CABP5: variants seen among roughly 807,000 people sequenced by gnomAD.
CABP5 encodes calcium binding protein 5.
In CABP5, 17 loss-of-function variants were observed where a neutral mutation model predicts 21.9. The ratio of observed to expected loss-of-function variants is 0.78; its 90% CI spans 0.53 to 1.17. The LOEUF (loss-of-function observed/expected upper bound fraction) is 1.17. CABP5 is among the 50% of genes most tolerant of loss of function. CABP5 has a pLI of 0.00. For synonymous variants in CABP5, 85 were observed against 79.4 expected, an observed-to-expected ratio of 1.07 and a Z score of -0.37; for missense variants, 229 against 228.9, an observed-to-expected ratio of 1.00 and a Z score of 0.00.
chr19:48,039,092 G>C (rs1316934162), intron 4 of CABP5, 116 bp downstream of exon 4: 1 of 713,598 alleles, frequency 1.4e-6, no homozygotes, highest in Admixed American at 2.5e-5. Flanking sequence ...ACCATGGCTG[G>C]AAAAAAAAAG....
chr19:48,031,838 T>C (rs1967343890), intron 5 of CABP5, among the ~76,000 whole-genome samples: 3 of 144,550 alleles, frequency 2.1e-5, no homozygotes, highest in Admixed American at 1.4e-4. Flanking sequence ...TCTCCAGATG[T>C]CACTTGATGT....
intron 5 of CABP5, among the ~76,000 whole-genome samples, chr19:48,033,447 T>C (rs919916583): frequency 6.6e-6 from 1 of 152,158 alleles, no homozygotes; most frequent in African/African-American, 2.4e-5. Flanking sequence ...GATGAAGGAA[T>C]TGGTCCATGG....
intron 4 of CABP5, 143 bp from the exon 5 acceptor site, chr19:48,034,505 A>G: frequency 6.1e-6 from 3 of 491,038 alleles, no homozygotes; most frequent in Non-Finnish European, 3.3e-6. Flanking sequence ...CAGCTCCAAA[A>G]GACAGTTTTG....
chr19:48,040,966 G>A (rs1967474436), intron 2 of CABP5, among the ~76,000 whole-genome samples: 1 of 152,050 alleles, frequency 6.6e-6, no homozygotes, highest in African/African-American at 2.4e-5. Context: ...CACCTGAGGT[G>A]AGGAGTTTGA....
chr19:48,043,597 A>G (rs1367634856), intron 1 of CABP5, among the ~76,000 whole-genome samples: 19 of 27,698 alleles, frequency 6.9e-4, no homozygotes, highest in Admixed American at 3.4e-3. Context: ...AATCTCAACA[A>G]TGACATCATC....
intron 1 of CABP5, among the ~76,000 whole-genome samples, chr19:48,043,101 C>T (rs920598930): frequency 1.3e-5 from 2 of 151,938 alleles, no homozygotes; most frequent in African/African-American, 4.8e-5. Flanking sequence ...CCTCCACTTC[C>T]TGGGCTCAAG....
chr19:48,041,646 A>T, intron 1 of CABP5, 43 bp from the exon 2 acceptor site: 1 of 1,590,108 alleles, frequency 6.3e-7, no homozygotes, highest in Non-Finnish European at 8.6e-7. Context: ...AGAGAGGGTC[A>T]CCCATTCTCC....
chr19:48,040,757 TAA>T lies in CABP5; in HGVS notation c.95-11_95-10del, dbSNP rs1412584324. ...AAATGCTTCCCGCAGCTCTGAAAGT[TAA>T]GAGAGAACTTTGGGGGAACTTGAAG... On this transcript the variant is annotated splice_polypyrimidine_tract_variant and intron_variant, in intron 2 of 5. Coordinates refer to ENST00000293255, the MANE Select transcript of CABP5 (RefSeq NM_019855.5). The T allele has an allele frequency of 6.2e-7, 1 of 1,613,608 alleles. No homozygotes were observed. Among genetic ancestry groups the T allele is most frequent in the East Asian group, 2.2e-5 (1 of 44,882 alleles).
At chr19:48,040,485 C>G (rs371293963) in intron 3 of CABP5, 120 bp downstream of exon 3, 2 of 1,036,384 alleles carry the variant, frequency 1.9e-6, no homozygotes, top group East Asian at 2.6e-5. Flanking sequence ...TTCTTCCAGA[C>G]TTCTAGTCCC....
chr19:48,038,472 C>G (rs537512748), intron 4 of CABP5, among the ~76,000 whole-genome samples: 17 of 152,298 alleles, frequency 1.1e-4, no homozygotes, highest in African/African-American at 4.1e-4. Flanking sequence ...TACCAGATGA[C>G]CACTTTGCAT....
chr19:48,032,039 C>T (rs1333660124), intron 5 of CABP5, among the ~76,000 whole-genome samples: 1 of 151,814 alleles, frequency 6.6e-6, no homozygotes, highest in African/African-American at 2.4e-5. Context: ...TGGAGAGGAA[C>T]AGAAAAACTT....
intron 3 of CABP5, among the ~76,000 whole-genome samples, chr19:48,039,533 CTG>C (rs2122374976): frequency 6.6e-6 from 1 of 152,154 alleles, no homozygotes; most frequent in Non-Finnish European, 1.5e-5. Context: ...AAGTAACTGC[CTG>C]TGTGACTTTC....
intron 1 of CABP5, among the ~76,000 whole-genome samples, chr19:48,042,863 G>A (rs1317671954): frequency 6.6e-6 from 1 of 152,190 alleles, no homozygotes; most frequent in Non-Finnish European, 1.5e-5. Context: ...GTGAGCCACT[G>A]CCTGGCCTTT....
At chr19:48,032,396 G>A (rs949977793) in intron 5 of CABP5, among the ~76,000 whole-genome samples, 2 of 151,552 alleles carry the variant, frequency 1.3e-5, no homozygotes, top group Admixed American at 1.3e-4. Context: ...GTGCAGTGGG[G>A]CGATCTCACT....
chr19:48,033,465 A>G (rs916873421), intron 5 of CABP5, among the ~76,000 whole-genome samples: 5 of 152,178 alleles, frequency 3.3e-5, no homozygotes, highest in Admixed American at 6.5e-5. Flanking sequence ...TGGTCTCAGA[A>G]GGAAATAGGC....
intron 3 of CABP5, among the ~76,000 whole-genome samples, chr19:48,039,838 C>G (rs149765705): frequency 6.7e-6 from 1 of 150,248 alleles, no homozygotes; most frequent in Non-Finnish European, 1.5e-5. Context: ...CTTAGCCTCC[C>G]GAGTAGCTGG....
At chr19:48,043,387 G>A (rs950262885) in intron 1 of CABP5, among the ~76,000 whole-genome samples, 1 of 150,276 alleles carries the variant, frequency 6.7e-6, no homozygotes, top group Non-Finnish European at 1.5e-5. Flanking sequence ...CCTGTAAAAT[G>A]GGAATGAAAG....
chr19:48,029,837 A>AGAGAGAGAGGGAG lies in CABP5; in HGVS notation c.*719_*720insCTCCCTCTCTCTC. On this transcript the variant is annotated 3_prime_UTR_variant, in exon 6 of 6. Coordinates refer to ENST00000293255, the MANE Select transcript of CABP5 (RefSeq NM_019855.5). Reference sequence around the variant, plus strand: ...GAGAGAGAGAGAGAGAGAGAGAGAGAAACCAGACAGTGCTTCCAGGAAATC... The same window carrying AGAGAGAGAGGGAG: ...GAGAGAGAGAGAGAGAGAGAGAGAGAGAGAGAGAGGGAGAACCAGACAGTGCTTCCAGGAAATC... 1 of 149,866 alleles carries AGAGAGAGAGGGAG rather than the reference A, an allele frequency of 6.7e-6. No homozygotes were observed. Among genetic ancestry groups the AGAGAGAGAGGGAG allele is most frequent in the South Asian group, 2.1e-4 (1 of 4,686 alleles). 9.3% of individuals were successfully genotyped at this position (149,866 alleles called of 1,614,324 possible).
chr19:48,040,964 G>A lies in CABP5; in HGVS notation c.95-216C>T, dbSNP rs965935736. Among the ~76,000 whole-genome samples, 77 of 152,104 alleles carry A rather than the reference G, an allele frequency of 5.1e-4. 3 individuals are homozygous for A. On this transcript the variant is annotated intron_variant, in intron 2 of 5. Transcript: ENST00000293255. ...GGTCGAGGTGGGTGGATCACCTGAG[G>A]TGAGGAGTTTGAGGCCAGACTGACC...
Sources: gnomAD v4.1 joint callset for allele counts (sites outside exome capture counted in the v4.1 genomes callset) on GRCh38, gnomAD v4.1.1 for gene constraint, MANE v1.5 for transcripts, NCBI Gene and HGNC (gene_info 2026-07-23, HGNC 2026-07-21) for gene names.